The following SERPINA12 variants were observed in gnomAD, a reference collection of about 807,000 sequenced individuals.
The protein encoded by SERPINA12 is serpin A12.
In SERPINA12, 21 loss-of-function variants were observed where a neutral mutation model predicts 25.9. The ratio of observed to expected loss-of-function variants is 0.81; its 90% CI spans 0.58 to 1.17. The LOEUF is 1.17. Ranked by LOEUF, SERPINA12 falls within the 50% of genes most tolerant of loss-of-function variation. The pLI is 0.00. For synonymous variants in SERPINA12, 220 were observed against 196.0 expected (o/e 1.12, Z -1.02); for missense variants, 562 against 508.3 (o/e 1.11, Z -1.02).
intron 3 of SERPINA12, among the ~76,000 whole-genome samples, chr14:94,495,485 G>A (rs1053338720): frequency 6.6e-6 from 1 of 152,168 alleles, no homozygotes; most frequent in African/African-American, 2.4e-5. Flanking sequence ...CCACCCATGG[G>A]TTACTAAGCT....
intron 1 of SERPINA12, among the ~76,000 whole-genome samples, chr14:94,499,638 A>G (rs959958159): frequency 7.9e-5 from 12 of 152,158 alleles, no homozygotes; most frequent in Non-Finnish European, 1.3e-4. Context: ...TCCACAGTAA[A>G]GGTTTTTCAT....
intron 1 of SERPINA12, among the ~76,000 whole-genome samples, chr14:94,508,017 C>G (rs1351789270): frequency 3.3e-5 from 5 of 152,226 alleles, no homozygotes; most frequent in African/African-American, 1.2e-4. Context: ...TTGCATTTCC[C>G]TGGGTGTCCC....
At chr14:94,488,740 G>T (rs1302871235) in intron 4 of SERPINA12, among the ~76,000 whole-genome samples, 2 of 152,190 alleles carry the variant, frequency 1.3e-5, no homozygotes, top group Non-Finnish European at 2.9e-5. Flanking sequence ...TTTGCCAGGG[G>T]CCACAGGCCC....
rs1353146471 is a variant in SERPINA12 at position 94,498,290 on chromosome 14, G to A, written c.108C>T (p.Val36=). 6.2e-7 allele frequency: 1 copy of A among 1,614,180 alleles called. No homozygotes were observed. Among genetic ancestry groups the A allele is most frequent in the South Asian group, 1.1e-5 (1 of 91,072 alleles). ...SPRNYKALSE[V]QGWKQRMAAK... is the part of the protein sequence containing the mutation. ...CTGCCATCCTTTGCTTCCATCCTTGGACCTCGCTCAAAGCTTTATAATTCC... is the reference window on the plus strand; with the variant it reads ...CTGCCATCCTTTGCTTCCATCCTTGAACCTCGCTCAAAGCTTTATAATTCC... Residue 36 remains valine (V), a synonymous_variant, in exon 2 of 5, where the codon GTC becomes GTT. Transcript: ENST00000677451.
chr14:94,496,647 A>C lies in SERPINA12; in HGVS notation c.635-4T>G. 1 of 1,613,024 alleles carries C rather than the reference A, an allele frequency of 6.2e-7. No individual in the cohort carries two copies. The highest frequency in any genetic ancestry group is 1.7e-4 in the Middle Eastern group (1 of 6,060). On this transcript the variant is annotated splice_region_variant and splice_polypyrimidine_tract_variant and intron_variant, in intron 2 of 4. Coordinates refer to ENST00000677451, the MANE Select transcript of SERPINA12 (RefSeq NM_001382267.1). ...TCAAACTCATGTTTCCACCTGGCTT[A>C]GATTGAAGAAAGACAAACAGACATG...
intron 3 of SERPINA12, among the ~76,000 whole-genome samples, chr14:94,493,312 G>A (rs1900254691): frequency 6.6e-6 from 1 of 152,226 alleles, no homozygotes; most frequent in African/African-American, 2.4e-5. Context: ...TCCTGCAAGA[G>A]GATTTGGAGT....
chr14:94,497,611 G>A (rs551769204), intron 2 of SERPINA12, among the ~76,000 whole-genome samples, 153 bp downstream of exon 2: 3 of 152,186 alleles, frequency 2.0e-5, no homozygotes, highest in Admixed American at 1.3e-4. Context: ...TATGTATCAT[G>A]GTAACCATTT....
At chr14:94,504,873 T>C (rs1178699497) in intron 1 of SERPINA12, among the ~76,000 whole-genome samples, 1 of 152,130 alleles carries the variant, frequency 6.6e-6, no homozygotes, top group Non-Finnish European at 1.5e-5. Flanking sequence ...AAAACAGATA[T>C]TACTTTAGGA....
At chr14:94,514,174 T>A (rs562284688), upstream of SERPINA12, among the ~76,000 whole-genome samples, 3 of 152,366 alleles carry the variant, frequency 2.0e-5, no homozygotes, top group East Asian at 5.8e-4. Context: ...ACTTGTTGTT[T>A]TATTATTATC....
intron 3 of SERPINA12, among the ~76,000 whole-genome samples, chr14:94,494,554 C>T (rs1900314048): frequency 6.6e-6 from 1 of 152,162 alleles, no homozygotes; most frequent in African/African-American, 2.4e-5. Context: ...TCTGCACAGC[C>T]TCACCCGCCC....
rs1248952768 is a variant in SERPINA12, at chr14:94,496,397, C to T, written c.881G>A (p.Arg294Lys). The T allele has an allele frequency of 6.2e-7, 1 of 1,614,210 alleles. No homozygotes were observed. The highest frequency in any genetic ancestry group is 8.5e-7 in the Non-Finnish European group (1 of 1,180,040). Reference sequence around the variant, plus strand: ...CCTGCGTGACAGTAATGTTTTCCATCTGGAGAAAGTGTCCACCTGCAATCC... The same window carrying T: ...CCTGCGTGACAGTAATGTTTTCCATTTGGAGAAAGTGTCCACCTGCAATCC... ...EKGLQVDTFS[R>K]WKTLLSRRVV... is the part of the protein sequence containing the mutation. The change falls in exon 3 of 5, where the codon AGA becomes AAA. Residue 294 changes from arginine (R) to lysine (K), a missense_variant. Coordinates refer to ENST00000677451, the MANE Select transcript of SERPINA12 (RefSeq NM_001382267.1).
intron 1 of SERPINA12, chr14:94,503,129 A>G (rs1900798756): frequency 1.1e-6 from 1 of 908,870 alleles, no homozygotes; most frequent in African/African-American, 1.8e-5. Context: ...ATATTGCTTT[A>G]AGAAGAAATC....
chr14:94,511,924 C>T (rs947059196), upstream of SERPINA12, among the ~76,000 whole-genome samples: 1 of 152,008 alleles, frequency 6.6e-6, no homozygotes, highest in Non-Finnish European at 1.5e-5. Flanking sequence ...ATGGTAAAAC[C>T]CCATCTCTAT....
upstream of SERPINA12, among the ~76,000 whole-genome samples, chr14:94,514,404 G>A (rs556119384): frequency 1.3e-5 from 2 of 152,320 alleles, no homozygotes; most frequent in Admixed American, 6.5e-5. Context: ...AGAGCTGGAC[G>A]CCACAGCTAC....
At chr14:94,490,030 G>A (rs1363404652) in intron 3 of SERPINA12, among the ~76,000 whole-genome samples, 3 of 151,930 alleles carry the variant, frequency 2.0e-5, no homozygotes, top group South Asian at 2.1e-4. Context: ...AAGTTCCCCC[G>A]TCTCAGAGCC....
Position 94,497,989 on chromosome 14 carries a change from T to C in SERPINA12, c.409A>G (p.Thr137Ala), listed in dbSNP as rs200235508. 6.2e-7 allele frequency: 1 copy of C among 1,614,086 alleles called. No individual in the cohort carries two copies. The highest frequency in any genetic ancestry group is 8.5e-7 in the Non-Finnish European group (1 of 1,180,032). Reference sequence around the variant, plus strand: ...TGCAGCCTCTGGTCAATGAACAGCGTGTTCCCAATGCTCAGTTTGAGGTCC... The same window carrying C: ...TGCAGCCTCTGGTCAATGAACAGCGCGTTCCCAATGCTCAGTTTGAGGTCC... Reference protein sequence around the residue: ...TQDLKLSIGNTLFIDQRLQPQ... With the variant: ...TQDLKLSIGNALFIDQRLQPQ... Residue 137 changes from threonine (T) to alanine (A), a missense_variant, in exon 2 of 5, where the codon ACG becomes GCG. Coordinates refer to ENST00000677451, the MANE Select transcript of SERPINA12 (RefSeq NM_001382267.1).
In SERPINA12 at chr14:94,498,275, T is replaced by G. The variant is rs549551822; in HGVS notation, c.123A>C (p.Gln41His). ...KALSEVQGWKQRMAAKELARQ... is the reference protein window; with the variant it reads ...KALSEVQGWKHRMAAKELARQ... The stretch of plus-strand genomic sequence containing the variant: ...TTGCAAGCTCCTTGGCTGCCATCCT[T>G]TGCTTCCATCCTTGGACCTCGCTCA... Residue 41 changes from glutamine (Q) to histidine (H), a missense_variant, in exon 2 of 5, where the codon CAA becomes CAC. Transcript: ENST00000677451. 4.8e-5 allele frequency: 78 copies of G among 1,614,204 alleles called. 1 individual carries two copies. In the South Asian group the frequency reaches 8.1e-4, roughly 17 times the overall value.
intron 3 of SERPINA12, among the ~76,000 whole-genome samples, chr14:94,493,097 G>T (rs550533873): frequency 6.6e-6 from 1 of 152,204 alleles, no homozygotes; most frequent in African/African-American, 2.4e-5. Flanking sequence ...GGAGAGGACT[G>T]CAGAAAGAAT....
At chr14:94,492,303 A>G (rs968000371) in intron 3 of SERPINA12, among the ~76,000 whole-genome samples, 2 of 152,174 alleles carry the variant, frequency 1.3e-5, no homozygotes, top group African/African-American at 4.8e-5. Context: ...CATGGTATTC[A>G]CCTGCAAAGG....
Sources: gnomAD v4.1 joint callset for allele counts (sites outside exome capture counted in the v4.1 genomes callset) on GRCh38, gnomAD v4.1.1 for gene constraint, MANE v1.5 for transcripts, NCBI Gene and HGNC (gene_info 2026-07-23, HGNC 2026-07-21) for gene names.